Variants in SNX29 observed in about 807,000 individuals in gnomAD.
The protein encoded by SNX29 is sorting nexin-29.
In SNX29, 78 loss-of-function variants were observed where a neutral mutation model predicts 102.1. That is an observed-to-expected ratio of 0.76 (90% CI 0.64 to 0.92). The LOEUF (loss-of-function observed/expected upper bound fraction) is 0.92. SNX29 is among the 40% of genes least tolerant of loss of function. SNX29 has a pLI of 0.00. For missense variants in SNX29, 1,280 were observed against 1,061.7 expected (o/e 1.21, Z -2.86); for synonymous variants, 580 against 414.5 (o/e 1.40, Z -4.85).
chr16:12,065,251 G>T (rs1431192455), intron 9 of SNX29, among the ~76,000 whole-genome samples: 4 of 152,208 alleles, frequency 2.6e-5, no homozygotes, highest in Non-Finnish European at 5.9e-5. Flanking sequence ...GGGACCATGC[G>T]TGGTTCCTCT....
At chr16:12,449,904 C>T (rs991133409) in intron 18 of SNX29, among the ~76,000 whole-genome samples, 3 of 152,202 alleles carry the variant, frequency 2.0e-5, no homozygotes, top group South Asian at 2.1e-4. Flanking sequence ...TGTCCCCACC[C>T]ATATCTCATC....
At chr16:12,550,802 C>T (rs2077927588) in intron 20 of SNX29, among the ~76,000 whole-genome samples, 1 of 151,940 alleles carries the variant, frequency 6.6e-6, no homozygotes, top group Non-Finnish European at 1.5e-5. Context: ...GAAGAGGGAG[C>T]CAAGAATATG....
chr16:12,559,532 T>G (rs556492012), intron 20 of SNX29, among the ~76,000 whole-genome samples: 2 of 151,852 alleles, frequency 1.3e-5, no homozygotes, highest in Admixed American at 6.6e-5. Context: ...CTCAAAAGCA[T>G]CCCCACCCCC....
In SNX29 at chr16:12,569,318, T is replaced by A. The variant is rs1403493956; in HGVS notation, c.*689T>A. ...CATGGCTGGCTTCAGGAAGGACCAG[T>A]GCCCTCCATAGCCTGAGGCCACCTA... On this transcript the variant is annotated 3_prime_UTR_variant, in exon 21 of 21. Transcript: ENST00000566228. 1 of 225,488 alleles carries A rather than the reference T, an allele frequency of 4.4e-6. No homozygotes were observed. The highest frequency in any genetic ancestry group is 8.8e-6 in the Non-Finnish European group (1 of 113,164). The allele number at this position is 225,488 out of a possible 1,614,324, so 14.0% of individuals were successfully genotyped here. A position where few individuals can be genotyped will look rare whatever the true frequency, so the allele number is the denominator to read the frequency against.
intron 9 of SNX29, among the ~76,000 whole-genome samples, chr16:12,065,565 C>G (rs1409678345): frequency 6.6e-6 from 1 of 152,170 alleles, no homozygotes; most frequent in Non-Finnish European, 1.5e-5. Flanking sequence ...CACGTTGGAT[C>G]TTGGAAGTTG....
At chr16:12,465,443 C>T (rs906295374) in intron 18 of SNX29, among the ~76,000 whole-genome samples, 2 of 151,852 alleles carry the variant, frequency 1.3e-5, no homozygotes, top group African/African-American at 2.4e-5. Flanking sequence ...ATTCCGTTTG[C>T]CCAGCACCAT....
At chr16:12,048,323 A>G (rs567653978) in intron 6 of SNX29, 49 bp from the exon 7 acceptor site, 46 of 1,612,896 alleles carry the variant, frequency 2.9e-5, no homozygotes, top group African/African-American at 2.5e-4. Flanking sequence ...TGTTGCTGGT[A>G]TGACTGCCCA....
At chr16:12,094,639 G>C (rs950792690) in intron 11 of SNX29, among the ~76,000 whole-genome samples, 1 of 152,136 alleles carries the variant, frequency 6.6e-6, no homozygotes, top group African/African-American at 2.4e-5. Flanking sequence ...GCCATGTCTG[G>C]GACATATATG....
intron 20 of SNX29, among the ~76,000 whole-genome samples, chr16:12,539,472 G>T (rs75644269): frequency 1.3e-5 from 2 of 152,132 alleles, no homozygotes; most frequent in South Asian, 2.1e-4. Flanking sequence ...GATATACCAC[G>T]GTTTATCTAG....
At chr16:11,979,614 C>T (rs1039309456) in intron 1 of SNX29, among the ~76,000 whole-genome samples, 11 of 152,232 alleles carry the variant, frequency 7.2e-5, no homozygotes, top group East Asian at 3.9e-4. Flanking sequence ...GATGGAGTCA[C>T]GCTCTGTCAC....
chr16:12,125,631 T>C (rs2054180667), intron 11 of SNX29, among the ~76,000 whole-genome samples: 1 of 88,782 alleles, frequency 1.1e-5, no homozygotes, highest in Non-Finnish European at 2.0e-5. Flanking sequence ...TTTTTTTTTT[T>C]TTTTTTTTTT....
intron 18 of SNX29, among the ~76,000 whole-genome samples, chr16:12,459,541 C>T (rs763225359): frequency 6.6e-6 from 1 of 152,204 alleles, no homozygotes; most frequent in African/African-American, 2.4e-5. Context: ...CCACTGTTCG[C>T]ACGGAGGCTT....
At chr16:12,169,104 G>A (rs2076084450) in intron 13 of SNX29, among the ~76,000 whole-genome samples, 1 of 152,234 alleles carries the variant, frequency 6.6e-6, no homozygotes, top group South Asian at 2.1e-4. Flanking sequence ...CGATAACATT[G>A]TCGGGATAGC....
chr16:12,110,200 C>G (rs2053447902), intron 11 of SNX29, among the ~76,000 whole-genome samples: 1 of 152,084 alleles, frequency 6.6e-6, no homozygotes, highest in Non-Finnish European at 1.5e-5. Context: ...AGATGACTCT[C>G]TTCCTGCATC....
chr16:12,369,793 A>T (rs1276421850), intron 16 of SNX29, among the ~76,000 whole-genome samples: 1 of 152,240 alleles, frequency 6.6e-6, no homozygotes, highest in African/African-American at 2.4e-5. Context: ...TAAATACATT[A>T]TACTTATTCC....
chr16:12,310,585 A>T (rs1375845166), intron 15 of SNX29, among the ~76,000 whole-genome samples: 1 of 152,128 alleles, frequency 6.6e-6, no homozygotes, highest in East Asian at 1.9e-4. Flanking sequence ...TGGAAAATGC[A>T]AACTAATCTA....
chr16:12,477,898 G>C, intron 19 of SNX29, 39 bp downstream of exon 19: 1 of 1,542,820 alleles, frequency 6.5e-7, no homozygotes, highest in South Asian at 1.2e-5. Flanking sequence ...GTCACTGCCT[G>C]CGTTAAAATG....
At chr16:12,383,128 TAA>T (rs2083231740) in intron 16 of SNX29, among the ~76,000 whole-genome samples, 1 of 152,346 alleles carries the variant, frequency 6.6e-6, no homozygotes, top group South Asian at 2.1e-4. Context: ...CTTTAGACAT[TAA>T]GTTAAGCATC....
intron 20 of SNX29, among the ~76,000 whole-genome samples, chr16:12,543,246 A>T (rs1443633752): frequency 1.3e-5 from 2 of 152,190 alleles, no homozygotes; most frequent in Admixed American, 6.5e-5. Flanking sequence ...AGAGATTCTG[A>T]ATGATGCAGC....
Sources: allele counts gnomAD v4.1 joint callset (sites outside exome capture counted in the v4.1 genomes callset), GRCh38; gene constraint gnomAD v4.1.1; transcripts MANE v1.5; gene names NCBI Gene and HGNC (gene_info 2026-07-23, HGNC 2026-07-21).